Variants in MGMT observed in about 807,000 individuals in gnomAD.
MGMT encodes the protein methylated-DNA--protein-cysteine methyltransferase.
A neutral mutation model predicts 15.9 loss-of-function variants in MGMT; 14 were observed. The ratio of observed to expected loss-of-function variants is 0.88; its 90% CI spans 0.58 to 1.37. The LOEUF (loss-of-function observed/expected upper bound fraction) is 1.37. MGMT is among the 40% of genes most tolerant of loss of function. MGMT has a pLI of 0.00. For synonymous variants in MGMT, 130 were observed against 118.2 expected, an observed-to-expected ratio of 1.10 and a Z score of -0.65; for missense variants, 282 against 268.1, an observed-to-expected ratio of 1.05 and a Z score of -0.36.
chr10:129,560,450 ACAGAT>A (rs1259413034), intron 2 of MGMT, among the ~76,000 whole-genome samples: 2 of 152,224 alleles, frequency 1.3e-5, no homozygotes, highest in Non-Finnish European at 2.9e-5. Context: ...TGGATCATCT[ACAGAT>A]ATTGGTAAGG....
chr10:129,691,821 C>T (rs1160501323), intron 2 of MGMT, among the ~76,000 whole-genome samples: 4 of 152,142 alleles, frequency 2.6e-5, no homozygotes, highest in Non-Finnish European at 5.9e-5. Flanking sequence ...TTGGGGTGTC[C>T]GTGCCCTCTC....
At chr10:129,675,645 G>A (rs1212127274) in intron 2 of MGMT, among the ~76,000 whole-genome samples, 3 of 152,136 alleles carry the variant, frequency 2.0e-5, no homozygotes, top group African/African-American at 7.2e-5. Context: ...GGTCGGATCC[G>A]TGAGCATGCA....
chr10:129,718,225 G>A (rs1044344094), intron 3 of MGMT, among the ~76,000 whole-genome samples: 5 of 152,224 alleles, frequency 3.3e-5, no homozygotes, highest in Non-Finnish European at 7.3e-5. Context: ...TTCATCTGCT[G>A]AATGTGCACA....
At chr10:129,539,214 C>A (rs1014596015) in intron 2 of MGMT, among the ~76,000 whole-genome samples, 1 of 151,978 alleles carries the variant, frequency 6.6e-6, no homozygotes, top group Non-Finnish European at 1.5e-5. Context: ...TAAATTCTCC[C>A]GTAATTTCTT....
chr10:129,602,673 G>A (rs1846838032), intron 2 of MGMT, among the ~76,000 whole-genome samples: 1 of 152,128 alleles, frequency 6.6e-6, no homozygotes, highest in South Asian at 2.1e-4. Flanking sequence ...GGAATGGTGA[G>A]TGCGCCCCAC....
At position 129,579,591 on chromosome 10, in the gene MGMT, C is replaced by A. The variant is rs1057154189; in HGVS notation, c.125+43214C>A. Among the ~76,000 whole-genome samples, 3 of 152,204 alleles carry A rather than the reference C, an allele frequency of 2.0e-5. No homozygotes were observed. In the East Asian group the frequency reaches 5.8e-4, roughly 29 times the overall value. On this transcript the variant is annotated intron_variant, in intron 2 of 4. Transcript: ENST00000651593. ...TGACTTTGTCTTTATTTACCTTGGG[C>A]CTGGCGCTGTTATCTCAGCTGAGTG... is the stretch of plus-strand genomic sequence containing the variant.
intron 2 of MGMT, among the ~76,000 whole-genome samples, chr10:129,643,845 C>T (rs1298491582): frequency 2.0e-5 from 3 of 152,124 alleles, no homozygotes; most frequent in Non-Finnish European, 4.4e-5. Flanking sequence ...TTGAGAAATT[C>T]GACAGAGTTC....
intron 2 of MGMT, among the ~76,000 whole-genome samples, chr10:129,615,950 C>T (rs1847020671): frequency 6.6e-6 from 1 of 152,112 alleles, no homozygotes; most frequent in African/African-American, 2.4e-5. Flanking sequence ...GAGGCTTCTG[C>T]TGTTGGGTGT....
At chr10:129,578,973 C>T (rs959982836) in intron 2 of MGMT, among the ~76,000 whole-genome samples, 9 of 152,162 alleles carry the variant, frequency 5.9e-5, no homozygotes, top group Non-Finnish European at 1.0e-4. Flanking sequence ...TTTGTGAGCA[C>T]TGCCTCATTT....
At chr10:129,521,598 C>T (rs1371985574) in intron 1 of MGMT, among the ~76,000 whole-genome samples, 2 of 152,182 alleles carry the variant, frequency 1.3e-5, no homozygotes, top group East Asian at 3.9e-4. Flanking sequence ...TGCAGGAGTC[C>T]AGGCTCTCTC....
chr10:129,518,844 G>C (rs1292879710), intron 1 of MGMT, among the ~76,000 whole-genome samples: 6 of 151,866 alleles, frequency 4.0e-5, no homozygotes, highest in Middle Eastern at 6.8e-3. Flanking sequence ...ATTTTTGACT[G>C]TGTGGGGCTT....
intron 2 of MGMT, among the ~76,000 whole-genome samples, chr10:129,644,154 T>A (rs1847359431): frequency 6.6e-6 from 1 of 152,218 alleles, no homozygotes; most frequent in Non-Finnish European, 1.5e-5. Context: ...GGTTATGGTC[T>A]ATTCCATTGC....
At chr10:129,565,772 C>T (rs1846347717) in intron 2 of MGMT, among the ~76,000 whole-genome samples, 1 of 152,164 alleles carries the variant, frequency 6.6e-6, no homozygotes, top group Non-Finnish European at 1.5e-5. Flanking sequence ...AGCGGCCCTA[C>T]TGTGAGATCC....
At chr10:129,521,310 C>T (rs1262938615) in intron 1 of MGMT, among the ~76,000 whole-genome samples, 5 of 152,130 alleles carry the variant, frequency 3.3e-5, no homozygotes, top group Non-Finnish European at 5.9e-5. Context: ...GGGGTGGCTG[C>T]ATGCAGGGTG....
chr10:129,585,154 A>C (rs574927351), intron 2 of MGMT, among the ~76,000 whole-genome samples: 5 of 152,188 alleles, frequency 3.3e-5, no homozygotes, highest in Admixed American at 6.5e-5. Flanking sequence ...TGTCTTTTTG[A>C]TTTTAGCCAT....
chr10:129,496,373 A>G (rs1845521496), intron 1 of MGMT, among the ~76,000 whole-genome samples: 1 of 152,204 alleles, frequency 6.6e-6, no homozygotes, highest in African/African-American at 2.4e-5. Flanking sequence ...ATGAAAGTTT[A>G]ATGAATGGCT....
chr10:129,604,256 G>A (rs1846860380), intron 2 of MGMT, among the ~76,000 whole-genome samples: 1 of 152,274 alleles, frequency 6.6e-6, no homozygotes, highest in South Asian at 2.1e-4. Context: ...GTGGATGGTG[G>A]ATTTGGAGTA....
chr10:129,552,294 C>G (rs1589862680), intron 2 of MGMT, among the ~76,000 whole-genome samples: 1 of 152,146 alleles, frequency 6.6e-6, no homozygotes, highest in Non-Finnish European at 1.5e-5. Flanking sequence ...CAGTGCACAC[C>G]CGGTGGGGCC....
intron 3 of MGMT, among the ~76,000 whole-genome samples, chr10:129,743,795 G>A (rs755485675): frequency 6.6e-6 from 1 of 152,250 alleles, no homozygotes; most frequent in Non-Finnish European, 1.5e-5. Flanking sequence ...ATATATAATA[G>A]TGTGTAAGGC....
Sources: allele counts gnomAD v4.1 joint callset (sites outside exome capture counted in the v4.1 genomes callset), GRCh38; gene constraint gnomAD v4.1.1; transcripts MANE v1.5; gene names NCBI Gene and HGNC (gene_info 2026-07-23, HGNC 2026-07-21).